Variants in NRG2 observed in about 807,000 individuals in gnomAD.
NRG2 encodes the protein pro-neuregulin-2, membrane-bound isoform.
A neutral mutation model predicts 73.9 loss-of-function variants in NRG2; 27 were observed. That is an observed-to-expected ratio of 0.37 (90% CI 0.27 to 0.50). The LOEUF (loss-of-function observed/expected upper bound fraction) is 0.50, where lower values mean the gene tolerates loss of function less well. Ranked by LOEUF, NRG2 falls within the 20% of genes least tolerant of loss-of-function variation. NRG2 has a pLI of 0.96. For missense variants in NRG2, 1,126 were observed against 1,210.1 expected, an observed-to-expected ratio of 0.93 and a Z score of 1.03; for synonymous variants, 532 against 541.0, an observed-to-expected ratio of 0.98 and a Z score of 0.23.
intron 5 of NRG2, among the ~76,000 whole-genome samples, chr5:139,858,131 C>A (rs941718567): frequency 2.6e-5 from 4 of 152,204 alleles, no homozygotes; most frequent in Non-Finnish European, 5.9e-5. Flanking sequence ...AACCCAAAGC[C>A]TTACCATGGC....
Position 139,915,873 on chromosome 5 carries a change from G to C in NRG2, c.701-28362C>G, listed in dbSNP as rs1452164105. Among the ~76,000 whole-genome samples the C allele has an allele frequency of 1.3e-5, 2 of 152,144 alleles. No homozygotes were observed. The highest frequency in any genetic ancestry group is 2.4e-5 in the African/African-American group (1 of 41,434). ...ACACTGAGTGGGAATCCACAAAACAGGTTCAGAGAATGATGAATATTACAT... is the reference window on the plus strand; with the variant it reads ...ACACTGAGTGGGAATCCACAAAACACGTTCAGAGAATGATGAATATTACAT... On this transcript the variant is annotated intron_variant, in intron 1 of 9. Transcript: ENST00000361474. This position sits in a 1 kb window ranked among gnomAD's most constrained non-coding sequence, Gnocchi z 4.0.
At chr5:140,020,439 C>T (rs959301274) in intron 1 of NRG2, among the ~76,000 whole-genome samples, 2 of 152,162 alleles carry the variant, frequency 1.3e-5, no homozygotes, top group Non-Finnish European at 2.9e-5. Context: ...TGCAGTCAAA[C>T]CCAGCATAAC....
chr5:140,007,845 G>A (rs1396011193), intron 1 of NRG2, among the ~76,000 whole-genome samples: 1 of 152,182 alleles, frequency 6.6e-6, no homozygotes, highest in African/African-American at 2.4e-5. Flanking sequence ...CTCAAGTGCT[G>A]GAAAGAACCT....
At chr5:139,918,072 G>A (rs960152003) in intron 1 of NRG2, among the ~76,000 whole-genome samples, 1 of 152,026 alleles carries the variant, frequency 6.6e-6, no homozygotes, top group Non-Finnish European at 1.5e-5. Context: ...TTTTGTATAC[G>A]GTATGAGGTA....
chr5:139,892,716 G>T (rs533817112), intron 1 of NRG2, among the ~76,000 whole-genome samples: 15 of 152,248 alleles, frequency 9.9e-5, no homozygotes, highest in African/African-American at 3.6e-4. Flanking sequence ...CAGGCTTCCT[G>T]GGATGCATGG....
chr5:140,036,316 G>T (rs1198355107), intron 1 of NRG2, among the ~76,000 whole-genome samples: 1 of 152,188 alleles, frequency 6.6e-6, no homozygotes, highest in Non-Finnish European at 1.5e-5. Flanking sequence ...GTGCAAATTT[G>T]TCTTTTGACC....
chr5:139,888,115 A>AAAACACACACAC (rs370887031), intron 1 of NRG2, among the ~76,000 whole-genome samples: 1,926 of 148,880 alleles, frequency 0.013, 53 homozygotes, highest in African/African-American at 0.045. Context: ...AAAACAAAAC[A>AAAACACACACAC]ACACACACAC....
At chr5:139,850,073 G>A (rs1008162266) in intron 9 of NRG2, among the ~76,000 whole-genome samples, 18 of 152,154 alleles carry the variant, frequency 1.2e-4, no homozygotes, top group African/African-American at 3.9e-4. Context: ...TGTTCCCCGT[G>A]CCTAGAATGC....
At chr5:139,873,717 C>T (rs150474578) in intron 3 of NRG2, among the ~76,000 whole-genome samples, 59 of 152,366 alleles carry the variant, frequency 3.9e-4, no homozygotes, top group African/African-American at 1.3e-3. Context: ...TCTGCAGTTG[C>T]GGGTGGCACA....
intron 6 of NRG2, among the ~76,000 whole-genome samples, chr5:139,854,220 C>T (rs909522287): frequency 2.6e-5 from 4 of 152,262 alleles, no homozygotes; most frequent in Non-Finnish European, 4.4e-5. Flanking sequence ...CTATGCCCAG[C>T]CCTCTCTGGC....
In NRG2 at chr5:139,865,151, C is replaced by T; in HGVS notation, c.1189+398G>A. 1 of 1,613,652 alleles carries T rather than the reference C, an allele frequency of 6.2e-7. No individual in the cohort carries two copies. The highest frequency in any genetic ancestry group is 8.5e-7 in the Non-Finnish European group (1 of 1,179,568). ...ACCATTGCGAACTGCTGACACCTGTCCCCGGTGTATCCCACAGGACACCTA... is the reference window on the plus strand; with the variant it reads ...ACCATTGCGAACTGCTGACACCTGTTCCCGGTGTATCCCACAGGACACCTA... On this transcript the variant is annotated intron_variant, in intron 5 of 9. Coordinates refer to ENST00000361474, the MANE Select transcript of NRG2 (RefSeq NM_004883.3). This position sits in a 1 kb window ranked among gnomAD's most constrained non-coding sequence, Gnocchi z 5.2.
intron 1 of NRG2, among the ~76,000 whole-genome samples, chr5:139,889,066 A>G (rs970350714): frequency 1.3e-5 from 2 of 152,222 alleles, no homozygotes; most frequent in African/African-American, 4.8e-5. Flanking sequence ...AAGCAGGAGT[A>G]TCTGGAGAGA....
intron 1 of NRG2, among the ~76,000 whole-genome samples, chr5:140,039,118 G>T (rs1761716310): frequency 6.6e-6 from 1 of 152,146 alleles, no homozygotes; most frequent in Non-Finnish European, 1.5e-5. Context: ...CTGGAAAACT[G>T]CTAATCAGGA....
At chr5:139,896,381 G>A (rs954897666) in intron 1 of NRG2, among the ~76,000 whole-genome samples, 1 of 152,146 alleles carries the variant, frequency 6.6e-6, no homozygotes, top group Non-Finnish European at 1.5e-5. Context: ...TGCTCACCAT[G>A]GGTGCAGGGT....
chr5:139,923,698 A>C (rs1443746932), intron 1 of NRG2, among the ~76,000 whole-genome samples: 1 of 152,058 alleles, frequency 6.6e-6, no homozygotes, highest in Non-Finnish European at 1.5e-5. Context: ...CTTAAGATCA[A>C]CCTCCAAGGT....
chr5:139,852,710 C>G lies in NRG2; in HGVS notation c.1417-151G>C, dbSNP rs529055071. ...ACTTGATGTTGGGGCAGCGATGGCT[C>G]CAGCAAATCAACCCCCACCCCTTCC... is the stretch of plus-strand genomic sequence containing the variant. On this transcript the variant is annotated intron_variant, in intron 7 of 9. Transcript: ENST00000361474. This position sits in a 1 kb window ranked among gnomAD's most constrained non-coding sequence, Gnocchi z 4.4. 1.2e-5 allele frequency: 17 copies of G among 1,420,806 alleles called. No homozygotes were observed. The Admixed American group carries it at 2.1e-4, about 18-fold the overall frequency. 88.0% of individuals were successfully genotyped at this position (1,420,806 alleles called of 1,614,324 possible).
At chr5:139,872,174 C>CCG (rs746994155) in intron 3 of NRG2, among the ~76,000 whole-genome samples, 10 of 152,196 alleles carry the variant, frequency 6.6e-5, no homozygotes, top group Non-Finnish European at 1.0e-4. Flanking sequence ...CTCCCCTTCC[C>CCG]TGCCTGGCTT....
intron 5 of NRG2, chr5:139,859,815 C>G (rs1561630749): frequency 6.7e-7 from 1 of 1,495,288 alleles, no homozygotes; most frequent in Admixed American, 1.8e-5. Flanking sequence ...ACCAAACATT[C>G]AGCACACATG....
intron 3 of NRG2, among the ~76,000 whole-genome samples, chr5:139,875,848 G>A (rs974054362): frequency 2.6e-5 from 4 of 152,248 alleles, no homozygotes; most frequent in Non-Finnish European, 5.9e-5. Context: ...ACATGTGGTG[G>A]TGAGGATGTG....
Sources: allele counts gnomAD v4.1 joint callset (sites outside exome capture counted in the v4.1 genomes callset), GRCh38; gene constraint gnomAD v4.1.1; non-coding constraint Gnocchi (gnomAD v3.1); transcripts MANE v1.5; gene names NCBI Gene and HGNC (gene_info 2026-07-23, HGNC 2026-07-21).